METTL15: variants seen among roughly 807,000 people sequenced by gnomAD.
The protein encoded by METTL15 is methyltransferase 15, mitochondrial 12S rRNA N4-cytidine, also known as 12S rRNA N(4)-cytidine methyltransferase METTL15.
In METTL15, 34 loss-of-function variants were observed where a neutral mutation model predicts 38.3. The observed-to-expected ratio is 0.89, with a 90% CI of 0.68 to 1.18. The LOEUF (loss-of-function observed/expected upper bound fraction) is 1.18. Among genes scored for constraint, METTL15 ranks in the 50% most tolerant of loss-of-function variants. The pLI, the probability that METTL15 is intolerant of heterozygous loss-of-function variation, is 0.00. For synonymous variants in METTL15, 162 were observed against 170.9 expected, an observed-to-expected ratio of 0.95 and a Z score of 0.41; for missense variants, 438 against 498.4, an observed-to-expected ratio of 0.88 and a Z score of 1.15.
intron 3 of METTL15, among the ~76,000 whole-genome samples, chr11:28,116,140 T>G (rs866108642): frequency 2.0e-5 from 3 of 152,158 alleles, no homozygotes; most frequent in South Asian, 2.1e-4. Context: ...GGTCTTAGAT[T>G]ATTATTTAAA....
At chr11:28,374,485 G>A (rs1420176997) in intron 5 of METTL15, among the ~76,000 whole-genome samples, 2 of 143,360 alleles carry the variant, frequency 1.4e-5, no homozygotes, top group Non-Finnish European at 3.1e-5. Flanking sequence ...TTGGTGTATA[G>A]GAATGCTTGT....
intron 4 of METTL15, among the ~76,000 whole-genome samples, chr11:28,237,334 C>T (rs1043234457): frequency 2.6e-5 from 4 of 152,108 alleles, no homozygotes; most frequent in Non-Finnish European, 5.9e-5. Context: ...CTTCCCTTCT[C>T]GCTTCATTTC....
At chr11:28,470,130 A>G (rs2133463160) in intron 6 of METTL15, among the ~76,000 whole-genome samples, 1 of 152,310 alleles carries the variant, frequency 6.6e-6, no homozygotes, top group African/African-American at 2.4e-5. Flanking sequence ...ATAATGTTCA[A>G]GGGAAAAACA....
At chr11:28,478,869 TA>T (rs1554930185) in intron 6 of METTL15, among the ~76,000 whole-genome samples, 1 of 152,066 alleles carries the variant, frequency 6.6e-6, no homozygotes. Context: ...TTTTGACTTG[TA>T]AAAAGCTTAA....
At chr11:28,515,335 C>T (rs1240607782) in intron 6 of METTL15, among the ~76,000 whole-genome samples, 1 of 152,152 alleles carries the variant, frequency 6.6e-6, no homozygotes, top group Non-Finnish European at 1.5e-5. Context: ...ACTTACTTAA[C>T]AAATAAGCAC....
At chr11:28,402,712 A>G (rs922292212) in intron 5 of METTL15, among the ~76,000 whole-genome samples, 1 of 151,880 alleles carries the variant, frequency 6.6e-6, no homozygotes, top group African/African-American at 2.4e-5. Context: ...GACTTAAGGG[A>G]TACAGATGCA....
At chr11:28,368,138 A>C (rs1275823245) in intron 5 of METTL15, among the ~76,000 whole-genome samples, 1 of 143,658 alleles carries the variant, frequency 7.0e-6, no homozygotes, top group Admixed American at 6.8e-5. Flanking sequence ...CAAAAAAAAA[A>C]AAAACAAAAA....
At chr11:28,176,973 A>T (rs957145769) in intron 3 of METTL15, among the ~76,000 whole-genome samples, 1 of 152,116 alleles carries the variant, frequency 6.6e-6, no homozygotes, top group South Asian at 2.1e-4. Flanking sequence ...AAAATTGAGA[A>T]GGCATAAGTT....
rs1452766657 is a variant in METTL15, at chr11:28,390,140, A to T, written c.*358+28104A>T. Among the ~76,000 whole-genome samples, 3 of 152,040 alleles carry T rather than the reference A, an allele frequency of 2.0e-5. No homozygotes were observed. In the East Asian group the frequency reaches 5.8e-4, roughly 29 times the overall value. ...ATTCTGGATATTAGCCCTTTGTCAGATGAGTAGGTTGTGAAAATTTTCTGC... is the reference window on the plus strand; with the variant it reads ...ATTCTGGATATTAGCCCTTTGTCAGTTGAGTAGGTTGTGAAAATTTTCTGC... On this transcript the variant is annotated intron_variant and NMD_transcript_variant, in intron 5 of 7. Coordinates refer to the METTL15 transcript ENST00000532947.
intron 6 of METTL15, among the ~76,000 whole-genome samples, chr11:28,326,564 G>A (rs370881917): frequency 1.0e-3 from 152 of 151,426 alleles, no homozygotes; most frequent in African/African-American, 1.9e-3. Context: ...CCATTATCGC[G>A]TGCCATTTTA....
chr11:28,487,057 A>G (rs1851445089), intron 6 of METTL15, among the ~76,000 whole-genome samples: 1 of 152,172 alleles, frequency 6.6e-6, no homozygotes, highest in Admixed American at 6.5e-5. Context: ...GGTTTTTTTT[A>G]AGATGTTCAA....
intron 3 of METTL15, among the ~76,000 whole-genome samples, chr11:28,186,904 A>G (rs1851515762): frequency 2.0e-5 from 3 of 151,130 alleles, no homozygotes; most frequent in South Asian, 4.1e-4. Flanking sequence ...GTTAATCTCT[A>G]TTTTTATACT....
At chr11:28,232,700 A>G (rs1270791229) in intron 4 of METTL15, among the ~76,000 whole-genome samples, 1 of 151,984 alleles carries the variant, frequency 6.6e-6, no homozygotes, top group Non-Finnish European at 1.5e-5. Flanking sequence ...AAATTTTGCA[A>G]TGATACTGGT....
intron 3 of METTL15, among the ~76,000 whole-genome samples, chr11:28,134,808 G>C (rs1024199215): frequency 3.9e-5 from 6 of 152,194 alleles, no homozygotes; most frequent in Non-Finnish European, 7.3e-5. Flanking sequence ...AAATCCCAAG[G>C]CTGCCAATGT....
chr11:28,431,833 A>G (rs1395235942), intron 6 of METTL15, among the ~76,000 whole-genome samples: 1 of 149,318 alleles, frequency 6.7e-6, no homozygotes, highest in Non-Finnish European at 1.5e-5. Flanking sequence ...AGAAGAGTAA[A>G]CAGTAATTAG....
rs1049528180 is a variant in METTL15 at position 28,330,526 on chromosome 11, G to C, written c.909G>C (p.Leu303=). 1.3e-6 allele frequency: 2 copies of C among 1,551,516 alleles called. No homozygotes were observed. Among genetic ancestry groups the C allele is most frequent in the East Asian group, 2.4e-5 (1 of 40,914 alleles). ...NNELNELYTG[L]KTAQKFLRPG... ...AGCTCAATGAACTCTACACGGGACT[G>C]AAGACAGCTCAGAAGTTTCTGAGAC... is the stretch of plus-strand genomic sequence containing the variant. The change falls in exon 7 of 7, where the codon CTG becomes CTC. Residue 303 remains leucine, a synonymous_variant. Transcript: ENST00000407364.
intron 4 of METTL15, among the ~76,000 whole-genome samples, chr11:28,252,430 A>G (rs772129121): frequency 6.6e-6 from 1 of 152,098 alleles, no homozygotes; most frequent in African/African-American, 2.4e-5. Flanking sequence ...TTTCTCAGCT[A>G]CCTACCTAGT....
intron 3 of METTL15, among the ~76,000 whole-genome samples, chr11:28,114,795 T>C: frequency 6.6e-6 from 1 of 152,070 alleles, no homozygotes; most frequent in East Asian, 1.9e-4. Flanking sequence ...TTCTCTTGGG[T>C]ATATATATCT....
intron 4 of METTL15, among the ~76,000 whole-genome samples, chr11:28,273,512 G>A (rs1419230846): frequency 6.6e-6 from 1 of 151,960 alleles, no homozygotes; most frequent in African/African-American, 2.4e-5. Flanking sequence ...GCCAACAACT[G>A]TTGCTATTTT....
Sources: allele counts gnomAD v4.1 joint callset (sites outside exome capture counted in the v4.1 genomes callset), GRCh38; gene constraint gnomAD v4.1.1; transcripts MANE v1.5; gene names NCBI Gene and HGNC (gene_info 2026-07-23, HGNC 2026-07-21).